NKAIN3: variants seen among roughly 807,000 people sequenced by gnomAD.
NKAIN3 encodes sodium/potassium transporting ATPase interacting 3, also known as sodium/potassium-transporting ATPase subunit beta-1-interacting protein 3.
NKAIN3 carries 25 observed loss-of-function variants against 30.2 expected under a neutral mutation model. The ratio of observed to expected loss-of-function variants is 0.83; its 90% confidence interval spans 0.60 to 1.16. The LOEUF (loss-of-function observed/expected upper bound fraction) is 1.16. Ranked by LOEUF, NKAIN3 falls within the 50% of genes most tolerant of loss-of-function variation. NKAIN3 has a pLI of 0.00. For missense variants in NKAIN3, 225 were observed against 254.1 expected, an observed-to-expected ratio of 0.89 and a Z score of 0.78; for synonymous variants, 91 against 89.6, an observed-to-expected ratio of 1.02 and a Z score of -0.09.
At chr8:62,795,773 T>C (rs1817841451) in intron 4 of NKAIN3, among the ~76,000 whole-genome samples, 1 of 152,154 alleles carries the variant, frequency 6.6e-6, no homozygotes, top group Non-Finnish European at 1.5e-5. Context: ...ACCTGAAGGA[T>C]CCTTAGGCCC....
At chr8:62,535,389 A>T (rs142312433) in intron 1 of NKAIN3, among the ~76,000 whole-genome samples, 97 of 152,168 alleles carry the variant, frequency 6.4e-4, no homozygotes, top group African/African-American at 2.2e-3. Context: ...TTCTGACTTT[A>T]TCTACCTGGA....
chr8:62,509,698 G>C (rs1807760693), intron 1 of NKAIN3, among the ~76,000 whole-genome samples: 1 of 152,004 alleles, frequency 6.6e-6, no homozygotes, highest in South Asian at 2.1e-4. Context: ...TCTGACTTCG[G>C]TTCTTCTACT....
intron 1 of NKAIN3, among the ~76,000 whole-genome samples, chr8:62,539,681 G>A (rs1488346124): frequency 1.3e-5 from 2 of 152,050 alleles, no homozygotes; most frequent in East Asian, 1.9e-4. Flanking sequence ...CCTCGATCGC[G>A]TGAGCTCAAG....
intron 1 of NKAIN3, among the ~76,000 whole-genome samples, chr8:62,413,532 G>T (rs1352380514): frequency 6.6e-6 from 1 of 152,052 alleles, no homozygotes; most frequent in Non-Finnish European, 1.5e-5. Context: ...ATATTTTAAG[G>T]CATTATTTAC....
intron 1 of NKAIN3, among the ~76,000 whole-genome samples, chr8:62,538,260 G>A (rs554613450): frequency 6.6e-5 from 10 of 152,126 alleles, no homozygotes; most frequent in South Asian, 4.2e-4. Flanking sequence ...CTGCAGCATC[G>A]ACCTCTCAGG....
chr8:62,383,752 T>C (rs1337095745), intron 1 of NKAIN3, among the ~76,000 whole-genome samples: 1 of 152,198 alleles, frequency 6.6e-6, no homozygotes, highest in Non-Finnish European at 1.5e-5. Flanking sequence ...TCTATAGGTA[T>C]GACTTTCTTA....
intron 1 of NKAIN3, among the ~76,000 whole-genome samples, chr8:62,287,868 G>A (rs1286525555): frequency 6.6e-6 from 1 of 152,126 alleles, no homozygotes; most frequent in Non-Finnish European, 1.5e-5. Flanking sequence ...CCTTTGGGAA[G>A]CACAGGCATC....
At chr8:62,917,112 AG>A (rs747608780) in intron 4 of NKAIN3, among the ~76,000 whole-genome samples, 7 of 152,012 alleles carry the variant, frequency 4.6e-5, no homozygotes, top group Non-Finnish European at 8.8e-5. Context: ...CAGCACAGGA[AG>A]ATCTCTCCAG....
chr8:62,831,586 T>C (rs1408427681), intron 4 of NKAIN3, among the ~76,000 whole-genome samples: 2 of 152,044 alleles, frequency 1.3e-5, no homozygotes, highest in Non-Finnish European at 2.9e-5. Flanking sequence ...AAAATACAAA[T>C]GAAAGTTTTA....
intron 1 of NKAIN3, among the ~76,000 whole-genome samples, chr8:62,263,716 A>G (rs1213127806): frequency 3.9e-5 from 6 of 152,158 alleles, no homozygotes; most frequent in Non-Finnish European, 7.3e-5. Context: ...GACTGAAAAC[A>G]TAGTGTAGTA....
intron 1 of NKAIN3, among the ~76,000 whole-genome samples, chr8:62,575,719 A>T (rs1426481891): frequency 6.6e-6 from 1 of 152,294 alleles, no homozygotes; most frequent in Non-Finnish European, 1.5e-5. Context: ...AAATTGTACT[A>T]CAGAGCTATA....
intron 3 of NKAIN3, among the ~76,000 whole-genome samples, chr8:62,695,837 G>A (rs896299920): frequency 6.6e-6 from 1 of 152,114 alleles, no homozygotes; most frequent in Non-Finnish European, 1.5e-5. Flanking sequence ...CATGGTCAAG[G>A]CTGTAATCTC....
At chr8:62,497,751 G>C (rs927405543) in intron 1 of NKAIN3, among the ~76,000 whole-genome samples, 1 of 152,126 alleles carries the variant, frequency 6.6e-6, no homozygotes, top group Non-Finnish European at 1.5e-5. Flanking sequence ...GCACTGTGCA[G>C]TTGGTACCTT....
chr8:62,580,149 T>C (rs1452785515), intron 2 of NKAIN3, among the ~76,000 whole-genome samples: 1 of 152,204 alleles, frequency 6.6e-6, no homozygotes, highest in Non-Finnish European at 1.5e-5. Context: ...ACATTACAAG[T>C]GCATGTATGG....
chr8:62,458,604 G>A (rs1805894871), intron 1 of NKAIN3, among the ~76,000 whole-genome samples: 1 of 152,166 alleles, frequency 6.6e-6, no homozygotes, highest in African/African-American at 2.4e-5. Flanking sequence ...TTTTCTAAAA[G>A]TTTGCCTTTG....
intron 3 of NKAIN3, among the ~76,000 whole-genome samples, chr8:62,648,576 G>A (rs1002560547): frequency 6.6e-6 from 1 of 152,156 alleles, no homozygotes; most frequent in Non-Finnish European, 1.5e-5. Context: ...CACCTAGTTA[G>A]CTTCATAGGA....
At chr8:62,488,709 G>A (rs529220360) in intron 1 of NKAIN3, among the ~76,000 whole-genome samples, 5 of 152,102 alleles carry the variant, frequency 3.3e-5, no homozygotes, top group African/African-American at 7.2e-5. Flanking sequence ...AGGAGATAAC[G>A]ACATCTGAAT....
At chr8:62,870,100 TG>T (rs1820552405) in intron 4 of NKAIN3, among the ~76,000 whole-genome samples, 2 of 151,184 alleles carry the variant, frequency 1.3e-5, no homozygotes, top group African/African-American at 4.9e-5. Flanking sequence ...CTTTTGGATG[TG>T]GACTGAGCCA....
chr8:62,919,226 A>ATTTTTT (rs1415475110), intron 5 of NKAIN3, among the ~76,000 whole-genome samples: 110 of 88,390 alleles, frequency 1.2e-3, no homozygotes, highest in East Asian at 4.5e-3. Context: ...TTACTTTCAA[A>ATTTTTT]ATTTTTTTTT....
Sources: allele counts gnomAD v4.1 joint callset (sites outside exome capture counted in the v4.1 genomes callset), GRCh38; gene constraint gnomAD v4.1.1; transcripts MANE v1.5; gene names NCBI Gene and HGNC (gene_info 2026-07-23, HGNC 2026-07-21).